Variants in CFAP74 observed in about 807,000 individuals in gnomAD.
CFAP74 encodes cilia- and flagella-associated protein 74.
Under a neutral mutation model 188.9 loss-of-function variants are expected in CFAP74, and 124 were observed. The ratio of observed to expected loss-of-function variants is 0.66; its 90% CI spans 0.57 to 0.76. The LOEUF is 0.76. CFAP74 is among the 30% of genes least tolerant of loss of function. CFAP74 has a pLI of 0.00. For missense variants in CFAP74, 2,198 were observed against 2,165.2 expected, an observed-to-expected ratio of 1.02 and a Z score of -0.30; for synonymous variants, 956 against 916.7, an observed-to-expected ratio of 1.04 and a Z score of -0.77.
intron 14 of CFAP74, among the ~76,000 whole-genome samples, chr1:1,961,264 A>G (rs1226173027): frequency 3.3e-5 from 5 of 152,172 alleles, no homozygotes; most frequent in Non-Finnish European, 7.3e-5. Context: ...GAAGTTCCCA[A>G]AATTGTTCAA....
intron 18 of CFAP74, among the ~76,000 whole-genome samples, chr1:1,947,873 G>C (rs998474233): frequency 1.3e-5 from 2 of 152,016 alleles, no homozygotes; most frequent in African/African-American, 4.8e-5. Context: ...AGGGACCCCT[G>C]TTCTTTTTTT....
intron 26 of CFAP74, 96 bp from the exon 27 acceptor site, chr1:1,928,978 C>T (rs1458053922): frequency 2.7e-6 from 2 of 753,932 alleles, no homozygotes; most frequent in Non-Finnish European, 4.3e-6. Context: ...CGTGGACTCC[C>T]CTCAAGGTCA....
chr1:2,003,500 G>A (rs1052077841), intron 1 of CFAP74, among the ~76,000 whole-genome samples: 1 of 152,206 alleles, frequency 6.6e-6, no homozygotes, highest in African/African-American at 2.4e-5. Flanking sequence ...TGCAAAGTCA[G>A]GGGCGGGTCC....
intron 38 of CFAP74, 52 bp downstream of exon 38, chr1:1,922,537 C>T: frequency 6.3e-7 from 1 of 1,596,858 alleles, no homozygotes; most frequent in Non-Finnish European, 8.5e-7. Flanking sequence ...GTCAGCCCAC[C>T]CAGCCTTTGG....
rs181952917 is a variant in CFAP74 at position 1,993,854 on chromosome 1, C to A, written c.-19-2879G>T. Among the ~76,000 whole-genome samples the A allele has an allele frequency of 2.7e-5, 4 of 150,814 alleles. No homozygotes were observed. The East Asian group carries it at 5.9e-4, about 22-fold the overall frequency. ...AAAATTAGCCGGGCGTGGTGGCGGGCGCCTATAGTCCCAGCTACTCGGGAG... is the reference window on the plus strand; with the variant it reads ...AAAATTAGCCGGGCGTGGTGGCGGGAGCCTATAGTCCCAGCTACTCGGGAG... On this transcript the variant is annotated intron_variant, in intron 1 of 38. Transcript: ENST00000682832.
chr1:1,939,658 G>A lies in CFAP74; in HGVS notation c.2813C>T (p.Thr938Met), dbSNP rs976978756. The A allele has an allele frequency of 3.1e-5, 48 of 1,536,060 alleles. No individual in the cohort carries two copies. Among genetic ancestry groups the A allele is most frequent in the Admixed American group, 2.2e-4 (11 of 50,994 alleles). The part of the protein sequence containing the change: ...GYCTIYEAIR[T>M]EISLHNHSLL... The stretch of plus-strand genomic sequence containing the variant: ...CGAGTGGTTGTGGAGGCTGATTTCC[G>A]TCCTGATGGCCTCATAGATGGTGCA... Residue 938 changes from threonine to methionine, a missense_variant, in exon 24 of 39, where the codon ACG (threonine) becomes ATG (methionine). Physicochemically the swap from Thr to Met is moderately conservative, Grantham distance 81. Coordinates refer to ENST00000682832, the MANE Select transcript of CFAP74 (RefSeq NM_001304360.2).
At chr1:1,964,151 TGTGGGTTCCAAG>T (rs969190835) in intron 13 of CFAP74, among the ~76,000 whole-genome samples, 1 of 152,198 alleles carries the variant, frequency 6.6e-6, no homozygotes, top group Non-Finnish European at 1.5e-5. Flanking sequence ...GCTCAGACAC[TGTGGGTTCCAAG>T]GTGGGTCCCT....
chr1:1,946,432 T>C lies in CFAP74; in HGVS notation c.2249A>G (p.Glu750Gly), dbSNP rs1653781872. The change falls in exon 20 of 39, where the codon GAA becomes GGA. Residue 750 changes from glutamate (E) to glycine (G), a missense_variant. Coordinates refer to ENST00000682832, the MANE Select transcript of CFAP74 (RefSeq NM_001304360.2). ...QTEITLGEVTEGEIGPFSSIK... is the reference protein window; with the variant it reads ...QTEITLGEVTGGEIGPFSSIK... ...GGAGCTGAAGGGGCCAATTTCCCCT[T>C]CTGTTACCTGCACAGGAAGAGATGC... 2 of 1,535,908 alleles carry C rather than the reference T, an allele frequency of 1.3e-6. No homozygotes were observed. The highest frequency in any genetic ancestry group is 1.7e-6 in the Non-Finnish European group (2 of 1,146,182).
Position 1,923,286 on chromosome 1 carries a change from C to T in CFAP74, c.4522+81G>A, listed in dbSNP as rs1331848972. 6.0e-6 allele frequency: 9 copies of T among 1,503,884 alleles called. No individual in the cohort carries two copies. In the East Asian group the frequency reaches 9.9e-5, roughly 17 times the overall value. 93.2% of individuals were successfully genotyped at this position (1,503,884 alleles called of 1,614,324 possible). On this transcript the variant is annotated intron_variant, in intron 36 of 38. Coordinates refer to ENST00000682832, the MANE Select transcript of CFAP74 (RefSeq NM_001304360.2). This position sits in a 1 kb window ranked among gnomAD's most constrained non-coding sequence, Gnocchi z 6.3. ...AAGGCTGGGAATCCCTGCCCTGCTC[C>T]GCTGGGTCTCGGGGCCCCCATCCAC...
At chr1:1,960,703 T>C (rs538729674) in intron 14 of CFAP74, among the ~76,000 whole-genome samples, 1 of 152,312 alleles carries the variant, frequency 6.6e-6, no homozygotes, top group South Asian at 2.1e-4. Flanking sequence ...GCTGGCAACA[T>C]TCCCACGGCA....
intron 5 of CFAP74, 113 bp downstream of exon 5, chr1:1,986,824 C>G (rs1437873601): frequency 6.2e-6 from 5 of 803,000 alleles, no homozygotes; most frequent in African/African-American, 3.4e-5. Flanking sequence ...CACACTGGGG[C>G]TCCTCATTGG....
intron 6 of CFAP74, chr1:1,985,122 C>A: frequency 2.4e-6 from 1 of 421,184 alleles, no homozygotes. Context: ...TCTGTGGAAG[C>A]ACAAAGCATG....
intron 9 of CFAP74, among the ~76,000 whole-genome samples, chr1:1,971,027 A>C (rs137927575): frequency 0.24 from 35,112 of 145,998 alleles, 4,507 homozygotes; most frequent in Non-Finnish European, 0.3. Flanking sequence ...CACATCACAC[A>C]TGCACACCTG....
chr1:1,985,435 T>C lies in CFAP74; in HGVS notation c.451A>G (p.Asn151Asp). 6.2e-7 allele frequency: 1 copy of C among 1,614,098 alleles called. No homozygotes were observed. Among genetic ancestry groups the C allele is most frequent in the Non-Finnish European group, 8.5e-7 (1 of 1,180,042 alleles). Residue 151 changes from asparagine to aspartate, a missense_variant, in exon 6 of 39, where the codon AAC (asparagine) becomes GAC (aspartate). Transcript: ENST00000682832. Reference protein sequence around the residue: ...VSRRLFAELENERDLQSRTEA... With the variant: ...VSRRLFAELEDERDLQSRTEA... Reference sequence around the variant, plus strand: ...GTCCTCGACTGCAGGTCTCTCTCGTTCTCCAGCTCTGCAAACAGGCGTCTG... The same window carrying C: ...GTCCTCGACTGCAGGTCTCTCTCGTCCTCCAGCTCTGCAAACAGGCGTCTG...
Position 1,959,139 on chromosome 1 carries a change from C to T in CFAP74, c.1832G>A (p.Cys611Tyr), listed in dbSNP as rs770061505. The T allele has an allele frequency of 1.2e-6, 2 of 1,611,550 alleles. No individual in the cohort carries two copies. Among genetic ancestry groups the T allele is most frequent in the South Asian group, 1.1e-5 (1 of 91,032 alleles). Residue 611 changes from cysteine to tyrosine, a missense_variant, in exon 16 of 39, where the codon TGT (cysteine) becomes TAT (tyrosine). Physicochemically the swap from Cys to Tyr is radical, Grantham distance 194. Coordinates refer to ENST00000682832, the MANE Select transcript of CFAP74 (RefSeq NM_001304360.2). ...QTGEFSVPLK[C>Y]STKKCSLSLD... ...ACTCACCGAACATTTCTTTGTTGAA[C>T]ATTTCAGTGGAACTGAAAACTCGCC...
chr1:1,934,560 C>A (rs997881369), intron 25 of CFAP74, among the ~76,000 whole-genome samples: 6 of 149,486 alleles, frequency 4.0e-5, no homozygotes, highest in African/African-American at 1.5e-4. Flanking sequence ...GTTGTAGGTA[C>A]ACACGTGTGT....
rs1654945697 is a variant in CFAP74, at chr1:1,959,872, T to C, written c.1761+92A>G. ...CCTCACTGAGAGGCCAAGTGCATCC[T>C]TCCCCCATCATGTTCTGCGCCACCA... is the stretch of plus-strand genomic sequence containing the variant. On this transcript the variant is annotated intron_variant, in intron 15 of 38. Coordinates refer to ENST00000682832, the MANE Select transcript of CFAP74 (RefSeq NM_001304360.2). The C allele has an allele frequency of 4.4e-6, 5 of 1,126,640 alleles. No homozygotes were observed. The South Asian group carries it at 4.9e-5, about 11-fold the overall frequency. The allele number at this position is 1,126,640 out of a possible 1,614,324, so 69.8% of individuals were successfully genotyped here. A position where few individuals can be genotyped will look rare whatever the true frequency, so the allele number is the denominator to read the frequency against.
chr1:1,924,021 C>T (rs1176849025), intron 34 of CFAP74, 92 bp from the exon 35 acceptor site: 48 of 1,332,654 alleles, frequency 3.6e-5, no homozygotes, highest in African/African-American at 2.8e-4. Flanking sequence ...ACACCCTGCC[C>T]GCCCCCCTGC....
At chr1:1,993,046 C>G (rs1208720271) in intron 1 of CFAP74, among the ~76,000 whole-genome samples, 1 of 151,168 alleles carries the variant, frequency 6.6e-6, no homozygotes, top group Non-Finnish European at 1.5e-5. Flanking sequence ...ACTAAAAATA[C>G]AAAAACTAGC....
Sources: allele counts gnomAD v4.1 joint callset (sites outside exome capture counted in the v4.1 genomes callset), GRCh38; gene constraint gnomAD v4.1.1; non-coding constraint Gnocchi (gnomAD v3.1); transcripts MANE v1.5; gene names NCBI Gene and HGNC (gene_info 2026-07-23, HGNC 2026-07-21).